Variants in RBFOX1 observed in about 807,000 individuals in gnomAD.
The protein encoded by RBFOX1 is RNA binding fox-1 homolog 1.
RBFOX1 carries 8 observed loss-of-function variants against 57.7 expected under a neutral mutation model. The observed-to-expected ratio is 0.14, with a 90% CI of 0.08 to 0.25. The LOEUF (loss-of-function observed/expected upper bound fraction) is 0.25, where lower values mean the gene tolerates loss of function less well. RBFOX1 is among the 10% of genes least tolerant of loss of function. The pLI is 1.00. For synonymous variants in RBFOX1, 326 were observed against 222.4 expected, an observed-to-expected ratio of 1.47 and a Z score of -4.15; for missense variants, 611 against 548.5, an observed-to-expected ratio of 1.11 and a Z score of -1.14.
intron 4 of RBFOX1, among the ~76,000 whole-genome samples, chr16:7,285,093 T>TTC: frequency 6.8e-6 from 1 of 146,706 alleles, no homozygotes; most frequent in Non-Finnish European, 1.5e-5. Context: ...TTTTTTTTTT[T>TTC]TTTTTTTTTT....
At chr16:5,909,396 C>T (rs574634803) in intron 4 of RBFOX1, among the ~76,000 whole-genome samples, 33 of 152,040 alleles carry the variant, frequency 2.2e-4, no homozygotes, top group African/African-American at 5.8e-4. Flanking sequence ...CCGGCCCAAG[C>T]CCTTTCTAAA....
chr16:5,348,046 C>G, intron 1 of RBFOX1, among the ~76,000 whole-genome samples: 1 of 147,866 alleles, frequency 6.8e-6, no homozygotes, highest in Non-Finnish European at 1.5e-5. Flanking sequence ...AACCCATCCA[C>G]CCACCCTTCC....
chr16:6,452,722 G>A (rs776650342), intron 2 of RBFOX1, among the ~76,000 whole-genome samples: 11 of 152,206 alleles, frequency 7.2e-5, no homozygotes, highest in Non-Finnish European at 1.2e-4. Context: ...TTTAGCCTTT[G>A]CAGTTAGACT....
chr16:5,843,022 T>C (rs969314608), intron 3 of RBFOX1, among the ~76,000 whole-genome samples: 2 of 152,122 alleles, frequency 1.3e-5, no homozygotes, highest in South Asian at 4.1e-4. Context: ...AGAGACGGGG[T>C]TTCACCATGT....
intron 4 of RBFOX1, among the ~76,000 whole-genome samples, chr16:7,258,813 C>T (rs560194473): frequency 6.6e-6 from 1 of 152,166 alleles, no homozygotes; most frequent in East Asian, 1.9e-4. Flanking sequence ...TAACTGATGT[C>T]ATTTCATGCT....
chr16:6,191,512 G>T (rs145591685), intron 1 of RBFOX1, among the ~76,000 whole-genome samples: 5 of 152,064 alleles, frequency 3.3e-5, no homozygotes, highest in Non-Finnish European at 5.9e-5. Context: ...TACAACTGCC[G>T]TGTATCTCAA....
chr16:7,130,031 GA>G (rs1412712001), intron 4 of RBFOX1, among the ~76,000 whole-genome samples: 1 of 144,802 alleles, frequency 6.9e-6, no homozygotes, highest in South Asian at 2.2e-4. Flanking sequence ...CATTTTTGAA[GA>G]TTTTTTTTTT....
At chr16:6,922,151 CAG>C (rs1329873547) in intron 3 of RBFOX1, among the ~76,000 whole-genome samples, 1 of 152,160 alleles carries the variant, frequency 6.6e-6, no homozygotes, top group African/African-American at 2.4e-5. Flanking sequence ...ACCTTACACA[CAG>C]GGGAGGATGT....
At chr16:7,234,115 C>G (rs1190479496) in intron 4 of RBFOX1, among the ~76,000 whole-genome samples, 2 of 152,040 alleles carry the variant, frequency 1.3e-5, no homozygotes, top group African/African-American at 4.8e-5. Context: ...GCATTCAGCT[C>G]TATTCACAAA....
intron 1 of RBFOX1, among the ~76,000 whole-genome samples, chr16:6,280,431 G>C (rs2076255148): frequency 6.6e-6 from 1 of 152,152 alleles, no homozygotes; most frequent in South Asian, 2.1e-4. Flanking sequence ...GTAGGAGAAA[G>C]ATGGAGACAG....
chr16:7,131,341 CTTTTTT>C (rs34213849), intron 4 of RBFOX1, among the ~76,000 whole-genome samples: 2 of 71,744 alleles, frequency 2.8e-5, no homozygotes, highest in African/African-American at 5.8e-5. Flanking sequence ...GCGAGACTGT[CTTTTTT>C]TTTTTTTTTT....
chr16:6,520,203 G>C (rs1192592515), intron 2 of RBFOX1, among the ~76,000 whole-genome samples: 3 of 152,178 alleles, frequency 2.0e-5, no homozygotes, highest in African/African-American at 7.2e-5. Flanking sequence ...CCAAAGTTAT[G>C]ATGGTATGTG....
chr16:6,308,478 G>T (rs1452263088), intron 1 of RBFOX1, among the ~76,000 whole-genome samples: 1 of 152,174 alleles, frequency 6.6e-6, no homozygotes, highest in Non-Finnish European at 1.5e-5. Context: ...AAAAATACTG[G>T]CTGTGTGTTG....
At chr16:6,797,052 C>T (rs750189682) in intron 3 of RBFOX1, among the ~76,000 whole-genome samples, 1 of 152,142 alleles carries the variant, frequency 6.6e-6, no homozygotes, top group Non-Finnish European at 1.5e-5. Flanking sequence ...TTTCCACTCT[C>T]TGGGTTGCTC....
intron 4 of RBFOX1, among the ~76,000 whole-genome samples, chr16:7,121,943 A>C (rs2067282166): frequency 1.6e-5 from 2 of 121,264 alleles, no homozygotes. Flanking sequence ...GTTTTCAACA[A>C]CTGGTGTTGG....
At chr16:6,849,954 CTT>C (rs1029948771) in intron 3 of RBFOX1, among the ~76,000 whole-genome samples, 1 of 152,190 alleles carries the variant, frequency 6.6e-6, no homozygotes, top group Non-Finnish European at 1.5e-5. Flanking sequence ...AAGCTGGAGA[CTT>C]TGTCTTTGAA....
At chr16:6,870,778 G>C (rs2060727008) in intron 3 of RBFOX1, among the ~76,000 whole-genome samples, 1 of 152,046 alleles carries the variant, frequency 6.6e-6, no homozygotes, top group Non-Finnish European at 1.5e-5. Flanking sequence ...CTAAACAACT[G>C]TTTCACTACT....
intron 9 of RBFOX1, among the ~76,000 whole-genome samples, chr16:7,603,370 A>G (rs967248856): frequency 8.5e-5 from 13 of 152,232 alleles, no homozygotes; most frequent in Non-Finnish European, 1.9e-4. Context: ...GTTGGACAGC[A>G]GTCTTGCCTG....
intron 4 of RBFOX1, among the ~76,000 whole-genome samples, chr16:7,306,283 C>G (rs2096183094): frequency 6.6e-6 from 1 of 152,100 alleles, no homozygotes; most frequent in African/African-American, 2.4e-5. Context: ...TTATTCTTGC[C>G]ATGAGAAGAA....
Sources: gnomAD v4.1 joint callset for allele counts (sites outside exome capture counted in the v4.1 genomes callset) on GRCh38, gnomAD v4.1.1 for gene constraint, MANE v1.5 for transcripts, NCBI Gene and HGNC (gene_info 2026-07-23, HGNC 2026-07-21) for gene names.